The following AUH variants were observed in gnomAD, a reference collection of about 807,000 sequenced individuals.
AUH encodes the protein AU RNA binding methylglutaconyl-CoA hydratase.
AUH carries 29 observed loss-of-function variants against 42.3 expected under a neutral mutation model. That is an observed-to-expected ratio of 0.69 (90% CI 0.51 to 0.93). AUH has a LOEUF of 0.93. Among genes scored for constraint, AUH ranks in the 40% least tolerant of loss-of-function variants. The probability of loss-of-function intolerance (pLI) is 0.00; values close to 1 mark genes in which losing one functional copy is unlikely to be tolerated. For synonymous variants in AUH, 174 were observed against 166.4 expected (o/e 1.05, Z -0.35); for missense variants, 452 against 438.1 (o/e 1.03, Z -0.28).
At chr9:91,264,263 G>T (rs1400074888) in intron 6 of AUH, among the ~76,000 whole-genome samples, 1 of 152,116 alleles carries the variant, frequency 6.6e-6, no homozygotes, top group Non-Finnish European at 1.5e-5. Context: ...CTAGTTTTAA[G>T]ATTAAATGGA....
chr9:91,325,367 A>C lies in AUH; in HGVS notation c.456T>G (p.Ser152Arg), dbSNP rs1829897475. The C allele has an allele frequency of 1.2e-6, 2 of 1,613,804 alleles. No homozygotes were observed. The highest frequency in any genetic ancestry group is 3.3e-5 in the Admixed American group (2 of 59,990). ...TTTTGGAGACAAAAGGACCAACTTC[A>C]CTGGAACTCATTTTGGCTCTTTCCT... Reference protein sequence around the residue: ...DLKERAKMSSSEVGPFVSKIR... With the variant: ...DLKERAKMSSREVGPFVSKIR... Residue 152 changes from serine to arginine, a missense_variant, in exon 4 of 10, where the codon AGT (serine) becomes AGG (arginine). Coordinates refer to ENST00000375731, the MANE Select transcript of AUH (RefSeq NM_001698.3).
intron 6 of AUH, among the ~76,000 whole-genome samples, chr9:91,238,404 C>G (rs1564020880): frequency 6.6e-6 from 1 of 152,184 alleles, no homozygotes; most frequent in South Asian, 2.1e-4. Flanking sequence ...TTGCATCTCA[C>G]TGCCTAGAAC....
At chr9:91,297,940 C>T (rs1296788977) in intron 5 of AUH, 44 bp downstream of exon 5, 1 of 1,411,750 alleles carries the variant, frequency 7.1e-7, no homozygotes, top group Non-Finnish European at 1.0e-6. Context: ...GTAAACACAA[C>T]CTTCACTTTT....
intron 4 of AUH, among the ~76,000 whole-genome samples, chr9:91,320,874 A>G (rs904671938): frequency 2.0e-5 from 3 of 152,222 alleles, no homozygotes; most frequent in Admixed American, 6.5e-5. Flanking sequence ...AAATCACTAA[A>G]AAATTTTTAT....
intron 6 of AUH, chr9:91,294,891 T>A (rs1026496833): frequency 2.5e-6 from 1 of 407,722 alleles, no homozygotes; most frequent in Non-Finnish European, 4.9e-6. Context: ...AAAACTGGAA[T>A]GGATGGGGAG....
At chr9:91,326,868 C>A (rs1360512150) in intron 3 of AUH, among the ~76,000 whole-genome samples, 1 of 152,096 alleles carries the variant, frequency 6.6e-6, no homozygotes, top group African/African-American at 2.4e-5. Flanking sequence ...GTTGGCAGAA[C>A]CAAAAACAAA....
intron 4 of AUH, among the ~76,000 whole-genome samples, chr9:91,310,523 A>G (rs1310551380): frequency 6.6e-6 from 1 of 152,244 alleles, no homozygotes; most frequent in Non-Finnish European, 1.5e-5. Flanking sequence ...CAGATGGTAG[A>G]GAGAATCCAC....
chr9:91,221,579 C>T (rs779555006), intron 6 of AUH, among the ~76,000 whole-genome samples: 3 of 152,152 alleles, frequency 2.0e-5, no homozygotes, highest in Non-Finnish European at 2.9e-5. Context: ...CTCGGAGACG[C>T]TCTCTCACAC....
At position 91,310,319 on chromosome 9, in the gene AUH, G is replaced by C. The variant is rs12552352; in HGVS notation, c.506-12243C>G. On this transcript the variant is annotated intron_variant, in intron 4 of 9. Transcript: ENST00000375731. ...ATTTTAGGTAGAGGCAGACAGGAAA[G>C]GGATTGCAAGAGAAGGTTCAGCCTG... 3.3e-5 allele frequency among the ~76,000 whole-genome samples: 5 copies of C among 152,328 alleles called. No individual in the cohort carries two copies. The South Asian group carries it at 1.0e-3, about 32-fold the overall frequency.
At chr9:91,229,262 GGATA>G (rs1213449236) in intron 6 of AUH, among the ~76,000 whole-genome samples, 1 of 148,728 alleles carries the variant, frequency 6.7e-6, no homozygotes, top group Non-Finnish European at 1.5e-5. Context: ...TATATATTTA[GGATA>G]GTTAGCTCTT....
At chr9:91,306,820 TAAACG>T (rs1483470404) in intron 4 of AUH, among the ~76,000 whole-genome samples, 1 of 152,168 alleles carries the variant, frequency 6.6e-6, no homozygotes, top group African/African-American at 2.4e-5. Context: ...ACTTGATCCA[TAAACG>T]TAAGGGTAGT....
At chr9:91,324,498 G>A (rs950740800) in intron 4 of AUH, among the ~76,000 whole-genome samples, 2 of 139,744 alleles carry the variant, frequency 1.4e-5, no homozygotes, top group African/African-American at 5.3e-5. Context: ...GTGAGACCCT[G>A]TCTCTAGAAA....
intron 6 of AUH, among the ~76,000 whole-genome samples, chr9:91,289,655 G>C (rs935581691): frequency 1.3e-5 from 2 of 152,136 alleles, no homozygotes; most frequent in African/African-American, 4.8e-5. Flanking sequence ...GATCACTTTA[G>C]GCATGGCAAA....
At chr9:91,287,717 T>A (rs890857682) in intron 6 of AUH, among the ~76,000 whole-genome samples, 1 of 151,960 alleles carries the variant, frequency 6.6e-6, no homozygotes, top group Admixed American at 6.6e-5. Flanking sequence ...GAAAAATTAA[T>A]CCTGAACTGG....
chr9:91,333,888 G>A (rs1053532549), intron 3 of AUH, among the ~76,000 whole-genome samples: 1 of 152,038 alleles, frequency 6.6e-6, no homozygotes, highest in African/African-American at 2.4e-5. Context: ...CAATTCATAG[G>A]CTTTTTTCCC....
At chr9:91,293,249 T>C (rs1296058806) in intron 6 of AUH, among the ~76,000 whole-genome samples, 1 of 152,202 alleles carries the variant, frequency 6.6e-6, no homozygotes, top group East Asian at 1.9e-4. Context: ...CGTCTCTCAC[T>C]GGAAATCAAA....
chr9:91,325,457 G>A (rs916919990), intron 3 of AUH, 53 bp from the exon 4 acceptor site: 23 of 1,474,426 alleles, frequency 1.6e-5, no homozygotes, highest in African/African-American at 2.8e-5. Flanking sequence ...AAATTTTAAG[G>A]CAAAGAATTG....
At chr9:91,305,705 ATTAC>A (rs368231853) in intron 4 of AUH, among the ~76,000 whole-genome samples, 14 of 152,164 alleles carry the variant, frequency 9.2e-5, no homozygotes, top group Non-Finnish European at 1.3e-4. Context: ...CCTTACAAAG[ATTAC>A]TTAAACTTCT....
chr9:91,352,052 A>G (rs1476434345), intron 3 of AUH, among the ~76,000 whole-genome samples: 1 of 152,192 alleles, frequency 6.6e-6, no homozygotes, highest in Non-Finnish European at 1.5e-5. Flanking sequence ...AGGCAGGTGG[A>G]TCACCTGAGG....
Sources: allele counts gnomAD v4.1 joint callset (sites outside exome capture counted in the v4.1 genomes callset), GRCh38; gene constraint gnomAD v4.1.1; transcripts MANE v1.5; gene names NCBI Gene and HGNC (gene_info 2026-07-23, HGNC 2026-07-21).